LPP: variants seen among roughly 807,000 people sequenced by gnomAD.
The protein encoded by LPP is lipoma-preferred partner.
LPP carries 38 observed loss-of-function variants against 60.4 expected under a neutral mutation model. That is an observed-to-expected ratio of 0.63 (90% confidence interval 0.49 to 0.83). The LOEUF (loss-of-function observed/expected upper bound fraction) is 0.83, where lower values mean the gene tolerates loss of function less well. Among genes scored for constraint, LPP ranks in the 40% least tolerant of loss-of-function variants. LPP has a pLI of 0.00. For missense variants in LPP, 902 were observed against 783.6 expected (o/e 1.15, Z -1.80); for synonymous variants, 328 against 290.8 (o/e 1.13, Z -1.30).
chr3:188,234,810 C>T (rs1054235563), intron 2 of LPP, among the ~76,000 whole-genome samples: 2 of 152,114 alleles, frequency 1.3e-5, no homozygotes, highest in East Asian at 1.9e-4. Context: ...GTTATGATGT[C>T]CCCACTATTC....
At chr3:188,785,547 T>TATATATATATATATATAC (rs1206082559) in intron 9 of LPP, among the ~76,000 whole-genome samples, 2 of 43,838 alleles carry the variant, frequency 4.6e-5, no homozygotes, top group South Asian at 1.2e-3. Context: ...TATATATATA[T>TATATATATATATATATAC]ACACACACAC....
intron 2 of LPP, among the ~76,000 whole-genome samples, chr3:188,263,408 C>T (rs1284214014): frequency 6.6e-6 from 1 of 152,224 alleles, no homozygotes; most frequent in Non-Finnish European, 1.5e-5. Flanking sequence ...TCAAAACCTT[C>T]AGTTGCTTCC....
intron 6 of LPP, chr3:188,569,000 A>T (rs1832875933): frequency 6.6e-6 from 1 of 151,904 alleles, no homozygotes; most frequent in Non-Finnish European, 1.5e-5. Context: ...TGGGTCACAA[A>T]GGATGTACAG....
At position 188,442,374 on chromosome 3, in the gene LPP, A is replaced by C. The variant is rs138626284; in HGVS notation, c.193+36061A>C. On this transcript the variant is annotated intron_variant, in intron 4 of 11. Transcript: ENST00000617246. ...CACTTGTGAGTGAGAACATGCGGTC[A>C]ACATAACTTTTAAAATCCAGAATGT... is the stretch of plus-strand genomic sequence containing the variant. Among the ~76,000 whole-genome samples the C allele has an allele frequency of 1.2e-3, 183 of 152,272 alleles. 1 individual carries two copies. Among genetic ancestry groups the C allele is most frequent in the African/African-American group, 4.3e-3 (177 of 41,566 alleles).
intron 7 of LPP, among the ~76,000 whole-genome samples, chr3:188,642,723 G>A (rs966646548): frequency 6.6e-6 from 1 of 152,124 alleles, no homozygotes. Flanking sequence ...GATCACCTGA[G>A]GTCGGGAGTT....
chr3:188,273,761 A>G (rs1303469714), intron 2 of LPP, among the ~76,000 whole-genome samples: 2 of 151,464 alleles, frequency 1.3e-5, no homozygotes, highest in Admixed American at 1.3e-4. Context: ...ACACCCAGTT[A>G]TTTTTTGTAT....
intron 2 of LPP, among the ~76,000 whole-genome samples, chr3:188,303,222 A>AATAT (rs1553855123): frequency 6.6e-6 from 1 of 152,198 alleles, no homozygotes; most frequent in African/African-American, 2.4e-5. Flanking sequence ...CACCATAAAC[A>AATAT]ATACATAAAT....
chr3:188,594,561 A>T (rs1839611549), intron 6 of LPP, among the ~76,000 whole-genome samples: 1 of 152,244 alleles, frequency 6.6e-6, no homozygotes. Context: ...AGCTGGCAAC[A>T]TTCCTGGTAA....
At chr3:188,491,831 C>T (rs967711535) in intron 5 of LPP, among the ~76,000 whole-genome samples, 1 of 152,070 alleles carries the variant, frequency 6.6e-6, no homozygotes, top group South Asian at 2.1e-4. Flanking sequence ...TGACAGTAGC[C>T]GACCTAGAGT....
At chr3:188,187,609 C>T (rs1205099211) in intron 1 of LPP, among the ~76,000 whole-genome samples, 1 of 151,988 alleles carries the variant, frequency 6.6e-6, no homozygotes, top group Admixed American at 6.6e-5. Context: ...GTGTCTTCTT[C>T]AAGTTCCAGC....
intron 4 of LPP, among the ~76,000 whole-genome samples, chr3:188,479,224 T>C (rs145129961): frequency 1.3e-5 from 2 of 152,310 alleles, no homozygotes; most frequent in African/African-American, 4.8e-5. Flanking sequence ...CTACATGCTT[T>C]TATGCTTACC....
intron 1 of LPP, among the ~76,000 whole-genome samples, chr3:188,157,573 C>T (rs1266396362): frequency 6.6e-6 from 1 of 151,972 alleles, no homozygotes; most frequent in Admixed American, 6.6e-5. Flanking sequence ...AGGTAAAACC[C>T]GGGGTTGGAG....
chr3:188,736,764 T>C (rs909111788), intron 8 of LPP, among the ~76,000 whole-genome samples: 1 of 151,860 alleles, frequency 6.6e-6, no homozygotes, highest in Non-Finnish European at 1.5e-5. Flanking sequence ...AGATATATGT[T>C]TCTATATAAA....
At chr3:188,240,379 G>C in intron 2 of LPP, among the ~76,000 whole-genome samples, 1 of 151,304 alleles carries the variant, frequency 6.6e-6, no homozygotes, top group African/African-American at 2.4e-5. Flanking sequence ...GTGTGTGTGA[G>C]AGAGAGACAG....
chr3:188,371,641 A>AT lies in LPP; in HGVS notation c.-10+29952dup, dbSNP rs1158606459. Among the ~76,000 whole-genome samples the AT allele has an allele frequency of 4.4e-3, 143 of 32,182 alleles. 22 individuals are homozygous for AT. The highest frequency in any genetic ancestry group is 0.017 in the African/African-American group (137 of 8,110). 21.1% of individuals were successfully genotyped at this position (32,182 alleles called of 152,430 possible). A position where few individuals can be genotyped will look rare whatever the true frequency, so the allele number is the denominator to read the frequency against. ...AATATATATATATATATATATATAT[A>AT]TTTTTTTTTTTTTTTTTTTTTTTTT... On this transcript the variant is annotated intron_variant, in intron 3 of 11. Transcript: ENST00000617246.
chr3:188,834,613 G>A (rs1757950556), intron 9 of LPP, among the ~76,000 whole-genome samples: 1 of 152,066 alleles, frequency 6.6e-6, no homozygotes, highest in East Asian at 1.9e-4. Context: ...GCCACCAGGT[G>A]GTGAGTTCCT....
intron 2 of LPP, among the ~76,000 whole-genome samples, chr3:188,286,514 C>T (rs1743966379): frequency 6.6e-6 from 1 of 152,122 alleles, no homozygotes; most frequent in Non-Finnish European, 1.5e-5. Flanking sequence ...ACAGTATTTT[C>T]TCTGTTACTG....
intron 2 of LPP, among the ~76,000 whole-genome samples, chr3:188,325,044 G>C (rs1282078429): frequency 1.3e-5 from 2 of 151,730 alleles, no homozygotes; most frequent in Admixed American, 1.3e-4. Context: ...GCGATGGTGC[G>C]ATCTCGGCTC....
chr3:188,604,780 A>G (rs975704692), intron 6 of LPP, among the ~76,000 whole-genome samples: 7 of 152,132 alleles, frequency 4.6e-5, no homozygotes, highest in Non-Finnish European at 1.0e-4. Context: ...AGCAGCAGGG[A>G]ATAAAAAGGA....
Sources: allele counts gnomAD v4.1 joint callset (sites outside exome capture counted in the v4.1 genomes callset), GRCh38; gene constraint gnomAD v4.1.1; transcripts MANE v1.5; gene names NCBI Gene and HGNC (gene_info 2026-07-23, HGNC 2026-07-21).